SLC71A2: variants seen among roughly 807,000 people sequenced by gnomAD.
SLC71A2 encodes hippocampus abundant transcript-like 1.
At chr9:94,433,347 A>G in the SLC71A2 span, 10,545 of 152,578 alleles carry the variant, frequency 0.069, 507 homozygotes, top group Non-Finnish European at 0.11. Flanking sequence ...GGCTTGGTCT[A>G]CAGTGTTCAG....
the SLC71A2 span, among the ~76,000 whole-genome samples, chr9:94,392,352 C>G: frequency 6.6e-6 from 1 of 151,340 alleles, no homozygotes; most frequent in Non-Finnish European, 1.5e-5. Flanking sequence ...TGTACCTTCT[C>G]TTAACTGTGG....
chr9:94,407,665 CTG>C, the SLC71A2 span, among the ~76,000 whole-genome samples: 76 of 152,178 alleles, frequency 5.0e-4, no homozygotes, highest in Non-Finnish European at 9.8e-4. Context: ...GCATGAGCCA[CTG>C]TGCCTGGCCC....
the SLC71A2 span, chr9:94,458,355 G>A: frequency 1.2e-6 from 2 of 1,613,160 alleles, no homozygotes; most frequent in Non-Finnish European, 1.7e-6. Flanking sequence ...GGAATAAGAG[G>A]ACTATGCAAT....
At chr9:94,378,063 C>A in the SLC71A2 span, among the ~76,000 whole-genome samples, 8 of 151,048 alleles carry the variant, frequency 5.3e-5, no homozygotes, top group African/African-American at 2.0e-4. Context: ...GAGATCGTGC[C>A]ACTGCACTCC....
the SLC71A2 span, among the ~76,000 whole-genome samples, chr9:94,422,991 C>T: frequency 6.9e-6 from 1 of 145,948 alleles, no homozygotes; most frequent in Non-Finnish European, 1.5e-5. Context: ...CTGGAGTGTG[C>T]AGTGGTGCGA....
the SLC71A2 span, chr9:94,459,427 G>GGGATTCT: frequency 1.3e-4 from 210 of 1,612,542 alleles, no homozygotes; most frequent in Non-Finnish European, 1.7e-4. Context: ...GGCAGAAAGT[G>GGGATTCT]GGATTCTGCA....
the SLC71A2 span, chr9:94,459,592 ATTCT>A: frequency 7.1e-6 from 4 of 560,856 alleles, no homozygotes; most frequent in Non-Finnish European, 1.2e-5. Context: ...TTTCTCTTAC[ATTCT>A]TTTTTTTTTT....
the SLC71A2 span, chr9:94,459,072 GGT>G: frequency 7.6e-7 from 1 of 1,321,584 alleles, no homozygotes; most frequent in African/African-American, 1.5e-5. Context: ...ACTTTTTGGT[GGT>G]GTGTTTTTTT....
At chr9:94,396,330 A>G in the SLC71A2 span, among the ~76,000 whole-genome samples, 4 of 152,108 alleles carry the variant, frequency 2.6e-5, no homozygotes, top group South Asian at 2.1e-4. Flanking sequence ...AGCCTAGGCA[A>G]CATACTGAAA....
the SLC71A2 span, among the ~76,000 whole-genome samples, chr9:94,456,995 G>A: frequency 7.1e-6 from 1 of 141,092 alleles, no homozygotes; most frequent in East Asian, 2.2e-4. Flanking sequence ...CCCTTACAGG[G>A]TCTCACTGTC....
chr9:94,410,413 C>G, the SLC71A2 span, among the ~76,000 whole-genome samples: 1 of 151,592 alleles, frequency 6.6e-6, no homozygotes, highest in Non-Finnish European at 1.5e-5. Flanking sequence ...TATTTTTTTC[C>G]CCCCCTAAGA....
At chr9:94,410,033 G>C in the SLC71A2 span, among the ~76,000 whole-genome samples, 1 of 148,832 alleles carries the variant, frequency 6.7e-6, no homozygotes, top group East Asian at 1.9e-4. Context: ...AGCTATTGTT[G>C]ATTTGTGTAT....
At chr9:94,458,439 T>G in the SLC71A2 span, 1 of 1,614,054 alleles carries the variant, frequency 6.2e-7, no homozygotes, top group Admixed American at 1.7e-5. Flanking sequence ...GGCCCGAAAT[T>G]GAATTCTAAC....
At chr9:94,458,508 G>T in the SLC71A2 span, 1 of 1,579,376 alleles carries the variant, frequency 6.3e-7, no homozygotes, top group South Asian at 1.1e-5. Flanking sequence ...AATTATGTAT[G>T]ATTATAGCAA....
At chr9:94,417,370 G>A in the SLC71A2 span, among the ~76,000 whole-genome samples, 2 of 152,188 alleles carry the variant, frequency 1.3e-5, no homozygotes, top group African/African-American at 2.4e-5. Context: ...GCTCACGCCT[G>A]TAATCCCAGC....
At chr9:94,394,915 G>GTTTT in the SLC71A2 span, among the ~76,000 whole-genome samples, 11 of 64,238 alleles carry the variant, frequency 1.7e-4, 3 homozygotes, top group South Asian at 5.5e-4. Flanking sequence ...TACTTTTTTT[G>GTTTT]TTTTTTTTTT....
At chr9:94,391,172 T>G in the SLC71A2 span, among the ~76,000 whole-genome samples, 1 of 148,300 alleles carries the variant, frequency 6.7e-6, no homozygotes, top group Non-Finnish European at 1.5e-5. Context: ...AGCCCCAGAA[T>G]TTGATACCAG....
At chr9:94,394,499 G>T in the SLC71A2 span, among the ~76,000 whole-genome samples, 2 of 88,312 alleles carry the variant, frequency 2.3e-5, 1 homozygote, top group Non-Finnish European at 6.2e-5. Context: ...CCAGGTTAGC[G>T]TGTGGTGGCA....
the SLC71A2 span, among the ~76,000 whole-genome samples, chr9:94,431,874 C>G: frequency 1.3e-5 from 2 of 152,300 alleles, no homozygotes; most frequent in Non-Finnish European, 2.9e-5. Flanking sequence ...TGGCCCGTGG[C>G]TCTACCTGGT....
Sources: gnomAD v4.1 joint callset for allele counts (sites outside exome capture counted in the v4.1 genomes callset) on GRCh38, gnomAD v4.1.1 for gene constraint, MANE v1.5 for transcripts, NCBI Gene and HGNC (gene_info 2026-07-23, HGNC 2026-07-21) for gene names.